The following KMO variants were observed in gnomAD, a reference collection of about 807,000 sequenced individuals.
The protein encoded by KMO is kynurenine 3-monooxygenase, also known as kynurenine 3-hydroxylase.
A neutral mutation model predicts 57.8 loss-of-function variants in KMO; 24 were observed. That is an observed-to-expected ratio of 0.42 (90% CI 0.30 to 0.58). The LOEUF is 0.58. KMO is among the 20% of genes least tolerant of loss of function. The probability of loss-of-function intolerance (pLI) is 0.22; values close to 1 mark genes in which losing one functional copy is unlikely to be tolerated. For missense variants in KMO, 483 were observed against 588.2 expected (o/e 0.82, Z 1.85); for synonymous variants, 210 against 193.6 (o/e 1.08, Z -0.70).
intron 5 of KMO, among the ~76,000 whole-genome samples, chr1:241,556,135 C>G (rs1211833821): frequency 1.3e-5 from 2 of 152,012 alleles, no homozygotes. Flanking sequence ...TTGAAAATAT[C>G]AATTGCCTAA....
chr1:241,554,377 C>G (rs1038120543), intron 4 of KMO, among the ~76,000 whole-genome samples: 18 of 151,850 alleles, frequency 1.2e-4, no homozygotes, highest in Admixed American at 3.3e-4. Context: ...TTAGGCCTCT[C>G]GGGTTCAAGC....
At chr1:241,583,799 G>A in intron 10 of KMO, among the ~76,000 whole-genome samples, 1 of 111,746 alleles carries the variant, frequency 8.9e-6, no homozygotes, top group Admixed American at 1.1e-4. Flanking sequence ...ATATGTGGCT[G>A]ACCATATAGT....
intron 10 of KMO, among the ~76,000 whole-genome samples, chr1:241,572,768 T>C (rs894525649): frequency 1.3e-5 from 2 of 152,112 alleles, no homozygotes; most frequent in African/African-American, 4.8e-5. Flanking sequence ...CTGTACCCAA[T>C]ATAGTTTTTT....
chr1:241,550,507 G>C (rs1229131088), intron 3 of KMO, among the ~76,000 whole-genome samples: 1 of 152,172 alleles, frequency 6.6e-6, no homozygotes, highest in African/African-American at 2.4e-5. Context: ...GTGACAATGT[G>C]TCTTTGAGCT....
intron 10 of KMO, among the ~76,000 whole-genome samples, chr1:241,586,191 CTTTTTTTT>C (rs386370217): frequency 4.6e-4 from 37 of 80,070 alleles, no homozygotes; most frequent in African/African-American, 1.7e-3. Flanking sequence ...AGTCTATGGT[CTTTTTTTT>C]TTTTTTTTTT....
intron 4 of KMO, among the ~76,000 whole-genome samples, chr1:241,554,205 T>G (rs1029136348): frequency 1.3e-5 from 2 of 151,344 alleles, no homozygotes; most frequent in Non-Finnish European, 3.0e-5. Context: ...TATTACATAT[T>G]TTTTATTACA....
At position 241,593,473 on chromosome 1, in the gene KMO, C is replaced by T. The variant is rs2147991117; in HGVS notation, c.*1320C>T. 1 of 343,888 alleles carries T rather than the reference C, an allele frequency of 2.9e-6. No homozygotes were observed. The highest frequency in any genetic ancestry group is 2.3e-5 in the South Asian group (1 of 43,140). 21.3% of individuals were successfully genotyped at this position (343,888 alleles called of 1,614,324 possible). On this transcript the variant is annotated 3_prime_UTR_variant, in exon 15 of 15. Transcript: ENST00000366559. ...AATAAAATAAAATGATTCAGTGTTT[C>T]TTTTCTATATTGTCAATGAAAACCT...
intron 14 of KMO, 27 bp from the exon 15 acceptor site, chr1:241,591,926 G>T: frequency 1.3e-6 from 2 of 1,581,970 alleles, no homozygotes; most frequent in South Asian, 1.1e-5. Context: ...CTGGACAAAT[G>T]AAATGAGAGT....
intron 1 of KMO, among the ~76,000 whole-genome samples, chr1:241,534,262 G>A (rs1458222748): frequency 6.6e-6 from 1 of 152,208 alleles, no homozygotes; most frequent in African/African-American, 2.4e-5. Context: ...CTTGGACTAA[G>A]GTGGCAGCAG....
chr1:241,586,661 T>G lies in KMO; in HGVS notation c.958-18T>G. 3 of 1,536,934 alleles carry G rather than the reference T, an allele frequency of 2.0e-6. No homozygotes were observed. Among genetic ancestry groups the G allele is most frequent in the Non-Finnish European group, 2.7e-6 (3 of 1,126,560 alleles). ...ATTATTTCTAGTTTCTTATTTCTCTTTTTTTTTCTTGTTTCAGGGCTTTGA... is the reference window on the plus strand; with the variant it reads ...ATTATTTCTAGTTTCTTATTTCTCTGTTTTTTTCTTGTTTCAGGGCTTTGA... On this transcript the variant is annotated intron_variant, in intron 10 of 14. Coordinates refer to ENST00000366559, the MANE Select transcript of KMO (RefSeq NM_003679.5).
rs1421767267 is a variant in KMO, at chr1:241,594,183, G to A, written c.*2030G>A. On this transcript the variant is annotated 3_prime_UTR_variant, in exon 15 of 15. Transcript: ENST00000366559. ...CTCCAACACATTAGAAGATGATGAT[G>A]TTAGATGCCCATCGTGTGCCACAAG... The A allele has an allele frequency of 6.8e-6, 3 of 441,190 alleles. No individual in the cohort carries two copies. The highest frequency in any genetic ancestry group is 4.0e-5 in the African/African-American group (2 of 49,886). 27.3% of individuals were successfully genotyped at this position (441,190 alleles called of 1,614,324 possible). A position where few individuals can be genotyped will look rare whatever the true frequency, so the allele number is the denominator to read the frequency against.
intron 10 of KMO, among the ~76,000 whole-genome samples, chr1:241,580,845 G>A (rs1250987018): frequency 6.6e-6 from 1 of 151,938 alleles, no homozygotes; most frequent in African/African-American, 2.4e-5. Context: ...AATATGTTCT[G>A]TAAATACATA....
rs1352367785 is a variant in KMO, at chr1:241,586,714, G to A, written c.993G>A (p.Met331Ile). 1.2e-6 allele frequency: 2 copies of A among 1,604,194 alleles called. No homozygotes were observed. Among genetic ancestry groups the A allele is most frequent in the Non-Finnish European group, 1.7e-6 (2 of 1,176,234 alleles). The change falls in exon 11 of 15, where the codon ATG becomes ATA. Residue 331 changes from methionine to isoleucine, a missense_variant. Physicochemically the swap from Met to Ile is conservative, Grantham distance 10 (BLOSUM62 1). Transcript: ENST00000366559. ...ACTGCTTGGTATTTGATGAGTTAAT[G>A]GATAAATTCAGTAACGACCTTAGTA... ...FEDCLVFDEL[M>I]DKFSNDLSLC...
chr1:241,592,242 C>A lies in KMO; in HGVS notation c.*89C>A. 1.1e-6 allele frequency: 1 copy of A among 902,324 alleles called. No homozygotes were observed. Among genetic ancestry groups the A allele is most frequent in the Non-Finnish European group, 1.7e-6 (1 of 574,278 alleles). The allele number at this position is 902,324 out of a possible 1,614,324, so 55.9% of individuals were successfully genotyped here. A position where few individuals can be genotyped will look rare whatever the true frequency, so the allele number is the denominator to read the frequency against. On this transcript the variant is annotated 3_prime_UTR_variant, in exon 15 of 15. Transcript: ENST00000366559. ...TGTTTCCATTGCCATATTTGATTCA[C>A]TAGTGGAAGATAGTGTTCTGCTTAT...
At chr1:241,581,800 A>G (rs1300396459) in intron 10 of KMO, among the ~76,000 whole-genome samples, 1 of 152,122 alleles carries the variant, frequency 6.6e-6, no homozygotes, top group Non-Finnish European at 1.5e-5. Flanking sequence ...AGATATGTAC[A>G]TACTGCAGTT....
At chr1:241,584,227 G>T (rs1662875799) in intron 10 of KMO, among the ~76,000 whole-genome samples, 1 of 152,114 alleles carries the variant, frequency 6.6e-6, no homozygotes, top group South Asian at 2.1e-4. Context: ...AGAACATGAG[G>T]TGTTTGGTTT....
chr1:241,591,806 C>G lies in KMO; in HGVS notation c.1261-147C>G, dbSNP rs557848701. On this transcript the variant is annotated intron_variant, in intron 14 of 14. Transcript: ENST00000366559. ...TGACTTTATCTTGATCTTATCAGTT[C>G]CTGATCTGGTGGTCATGCAAGTAAA... 7.6e-5 allele frequency: 50 copies of G among 658,096 alleles called. No homozygotes were observed. In the South Asian group the frequency reaches 8.9e-4, roughly 12 times the overall value. 40.8% of individuals were successfully genotyped at this position (658,096 alleles called of 1,614,324 possible).
chr1:241,567,273 T>G (rs1662118662), intron 9 of KMO, among the ~76,000 whole-genome samples: 1 of 152,202 alleles, frequency 6.6e-6, no homozygotes, highest in African/African-American at 2.4e-5. Flanking sequence ...TTGCTCGCAG[T>G]TCTAAAGGCT....
intron 1 of KMO, among the ~76,000 whole-genome samples, chr1:241,544,534 C>T (rs1661075409): frequency 6.6e-6 from 1 of 152,120 alleles, no homozygotes; most frequent in East Asian, 1.9e-4. Flanking sequence ...AAATAAACCC[C>T]ATGTGTTGAT....
Sources: allele counts gnomAD v4.1 joint callset (sites outside exome capture counted in the v4.1 genomes callset), GRCh38; gene constraint gnomAD v4.1.1; transcripts MANE v1.5; gene names NCBI Gene and HGNC (gene_info 2026-07-23, HGNC 2026-07-21).